The following BDP1 variants were observed in gnomAD, a reference collection of about 807,000 sequenced individuals.
The protein encoded by BDP1 is transcription factor TFIIIB component B'' homolog.
BDP1 carries 169 observed loss-of-function variants against 266.6 expected under a neutral mutation model. That is an observed-to-expected ratio of 0.63 (90% CI 0.56 to 0.72). The LOEUF (loss-of-function observed/expected upper bound fraction) is 0.72, where lower values mean the gene tolerates loss of function less well. BDP1 is among the 30% of genes least tolerant of loss of function. BDP1 has a pLI of 0.00. For synonymous variants in BDP1, 1,090 were observed against 1,022.4 expected (o/e 1.07, Z -1.26); for missense variants, 3,015 against 3,053.8 (o/e 0.99, Z 0.30).
intron 7 of BDP1, among the ~76,000 whole-genome samples, chr5:71,480,111 AT>A (rs879261553): frequency 2.2e-3 from 321 of 142,876 alleles, no homozygotes; most frequent in Middle Eastern, 0.018. Context: ...TGCCTGGCTA[AT>A]TTTTTTTTTT....
chr5:71,499,445 C>G lies in BDP1; in HGVS notation c.1956+2019C>G, dbSNP rs539177291. On this transcript the variant is annotated intron_variant, in intron 13 of 38. Coordinates refer to ENST00000358731, the MANE Select transcript of BDP1 (RefSeq NM_018429.3). The stretch of plus-strand genomic sequence containing the variant: ...CAGCCTGGCCAACATGGCGAAATCC[C>G]ATCTCTACTAAAAATACAAAAAAAT... Among the ~76,000 whole-genome samples the G allele has an allele frequency of 3.3e-5, 5 of 152,216 alleles. No individual in the cohort carries two copies. In the South Asian group the frequency reaches 8.3e-4, roughly 25 times the overall value.
At position 71,553,194 on chromosome 5, in the gene BDP1, G is replaced by T. The variant is rs469039; in HGVS notation, c.7074G>T (p.Pro2358=). 770,170 of 1,612,150 alleles carry T rather than the reference G, an allele frequency of 0.48. 186,561 individuals are homozygous for T. Among genetic ancestry groups the T allele is most frequent in the South Asian group, 0.55 (50,119 of 91,002 alleles). ...CTGGAAGAGATAATTCTAAAAAGCC[G>T]CCTGATAATTTGGATCTTGTATCTA... ...SISGRDNSKK[P]PDNLDLVSRK... is the part of the protein sequence containing the mutation. Residue 2358 remains proline (P), a synonymous_variant, in exon 35 of 39, where the codon CCG becomes CCT. Transcript: ENST00000358731.
intron 7 of BDP1, among the ~76,000 whole-genome samples, chr5:71,480,167 G>A (rs1762858356): frequency 6.6e-6 from 1 of 150,930 alleles, no homozygotes. Context: ...CTGGAGTGCA[G>A]TGGTGCTGTC....
In BDP1 at chr5:71,510,750, G is replaced by A; in HGVS notation, c.3658G>A (p.Val1220Ile). The stretch of plus-strand genomic sequence containing the variant: ...AAATGGCCCAGAGGAGGTCAAGCCT[G>A]TAGGTAAAATGGAGACAGATTTGAA... ...QENGPEEVKP[V>I]GKMETDLKEI... The change falls in exon 17 of 39, where the codon GTA becomes ATA. Residue 1220 changes from valine (V) to isoleucine (I), a missense_variant. Around this residue, in one of 3 missense-constraint regions of BDP1, gnomAD observed 2,383 missense variants for 2,404.9 expected, o/e 0.99. Transcript: ENST00000358731. 1 of 1,614,164 alleles carries A rather than the reference G, an allele frequency of 6.2e-7. No homozygotes were observed. Among genetic ancestry groups the A allele is most frequent in the Non-Finnish European group, 8.5e-7 (1 of 1,180,030 alleles).
intron 16 of BDP1, among the ~76,000 whole-genome samples, chr5:71,506,533 T>G (rs964371673): frequency 6.6e-6 from 1 of 152,060 alleles, no homozygotes; most frequent in Admixed American, 6.6e-5. Context: ...TCCCAGCACT[T>G]TGGGAGGCTG....
At chr5:71,516,311 C>A in intron 21 of BDP1, 40 bp downstream of exon 21, 1 of 1,460,754 alleles carries the variant, frequency 6.8e-7, no homozygotes, top group Non-Finnish European at 9.5e-7. Context: ...CCTTTTAATG[C>A]ATTTAAAATG....
chr5:71,500,804 A>G (rs1764186835), intron 13 of BDP1, among the ~76,000 whole-genome samples: 1 of 151,966 alleles, frequency 6.6e-6, no homozygotes, highest in South Asian at 2.1e-4. Context: ...TTTTTCTTAA[A>G]AAAAAAAAAT....
At chr5:71,504,960 C>T (rs547760049) in intron 16 of BDP1, among the ~76,000 whole-genome samples, 3 of 152,208 alleles carry the variant, frequency 2.0e-5, no homozygotes, top group East Asian at 1.9e-4. Context: ...AGCTACTCAT[C>T]GTAAATTAGT....
intron 16 of BDP1, among the ~76,000 whole-genome samples, chr5:71,505,276 G>A (rs892581775): frequency 1.3e-5 from 2 of 152,046 alleles, no homozygotes; most frequent in African/African-American, 4.8e-5. Context: ...TAAAGTGGTG[G>A]GATTACAGGT....
In BDP1 at chr5:71,512,234, C is replaced by T. The variant is rs768931083; in HGVS notation, c.4060-7C>T. On this transcript the variant is annotated splice_polypyrimidine_tract_variant and splice_region_variant and intron_variant, in intron 17 of 38. Transcript: ENST00000358731. ...TTTGTGCTGATTTACTATGACTGTT[C>T]CTCTAGAACATTAGCAGTGAAGTAC... 1 of 1,415,502 alleles carries T rather than the reference C, an allele frequency of 7.1e-7. No individual in the cohort carries two copies. The highest frequency in any genetic ancestry group is 9.3e-7 in the Non-Finnish European group (1 of 1,073,480). 87.7% of individuals were successfully genotyped at this position (1,415,502 alleles called of 1,614,324 possible). A position where few individuals can be genotyped will look rare whatever the true frequency, so the allele number is the denominator to read the frequency against.
At position 71,489,452 on chromosome 5, in the gene BDP1, T is replaced by C; in HGVS notation, c.1262T>C (p.Met421Thr). 3.1e-6 allele frequency: 5 copies of C among 1,614,050 alleles called. No individual in the cohort carries two copies. The highest frequency in any genetic ancestry group is 4.2e-6 in the Non-Finnish European group (5 of 1,179,946). ...EGVNNDPDESMSSRISDTERS... is the reference protein window; with the variant it reads ...EGVNNDPDESTSSRISDTERS... ...GTGAATAATGATCCAGATGAGTCTA[T>C]GAGTTCTAGAATTTCAGACACGGAA... is the stretch of plus-strand genomic sequence containing the variant. The change falls in exon 10 of 39, where the codon ATG becomes ACG. Residue 421 changes from methionine to threonine, a missense_variant. Around this residue, in one of 3 missense-constraint regions of BDP1, gnomAD observed 2,383 missense variants for 2,404.9 expected, o/e 0.99. Transcript: ENST00000358731.
chr5:71,507,838 G>C (rs1246652739), intron 16 of BDP1, among the ~76,000 whole-genome samples: 2 of 152,186 alleles, frequency 1.3e-5, no homozygotes, highest in Non-Finnish European at 2.9e-5. Context: ...AATTTGAAAA[G>C]CAATCTTATT....
rs1258596963 is a variant in BDP1 at position 71,565,712 on chromosome 5, A to G, written c.*827A>G. 1.3e-5 allele frequency: 2 copies of G among 153,668 alleles called. 1 individual carries two copies. The highest frequency in any genetic ancestry group is 1.3e-4 in the Admixed American group (2 of 15,332). The allele number at this position is 153,668 out of a possible 1,614,324, so 9.5% of individuals were successfully genotyped here. ...AAGGCAATTCTTAGAACATGTAGTT[A>G]AGGGACACGTGACTATATGTGAAAA... On this transcript the variant is annotated 3_prime_UTR_variant, in exon 39 of 39. Transcript: ENST00000358731.
At chr5:71,546,511 G>A (rs1270525366) in intron 32 of BDP1, among the ~76,000 whole-genome samples, 4 of 148,354 alleles carry the variant, frequency 2.7e-5, no homozygotes, top group African/African-American at 9.9e-5. Flanking sequence ...CCAGCTACTT[G>A]GGAGGCTGAG....
At chr5:71,562,620 A>T (rs1318310187) in intron 38 of BDP1, 100 bp downstream of exon 38, 2 of 1,510,652 alleles carry the variant, frequency 1.3e-6, no homozygotes, top group East Asian at 2.3e-5. Context: ...ATTTGATGTC[A>T]GAAATTATTT....
chr5:71,543,067 C>T (rs944258431), intron 30 of BDP1, among the ~76,000 whole-genome samples: 8 of 151,990 alleles, frequency 5.3e-5, no homozygotes, highest in African/African-American at 1.9e-4. Context: ...GTGGGTGGCT[C>T]ATTTGATGAA....
At chr5:71,548,580 T>A in intron 32 of BDP1, 102 bp from the exon 33 acceptor site, 1 of 736,960 alleles carries the variant, frequency 1.4e-6, no homozygotes, top group East Asian at 2.5e-5. Flanking sequence ...TATGGTTAGA[T>A]GTTGTTGAGT....
chr5:71,571,134 T>G (rs892097276), downstream of BDP1, among the ~76,000 whole-genome samples: 1 of 152,152 alleles, frequency 6.6e-6, no homozygotes, highest in Non-Finnish European at 1.5e-5. Flanking sequence ...TATATGCAAA[T>G]ACTATCCCAT....
chr5:71,459,316 A>G (rs1761397253), intron 2 of BDP1, among the ~76,000 whole-genome samples: 1 of 152,200 alleles, frequency 6.6e-6, no homozygotes, highest in Non-Finnish European at 1.5e-5. Flanking sequence ...GTTCAAGACC[A>G]GCCTGGCCAA....
Sources: allele counts gnomAD v4.1 joint callset (sites outside exome capture counted in the v4.1 genomes callset), GRCh38; gene constraint gnomAD v4.1.1; regional missense constraint gnomAD v4.1.1; transcripts MANE v1.5; gene names NCBI Gene and HGNC (gene_info 2026-07-23, HGNC 2026-07-21).